ZNF841: variants seen among roughly 807,000 people sequenced by gnomAD.
ZNF841 encodes the protein zinc finger protein 841.
A neutral mutation model predicts 13.0 loss-of-function variants in ZNF841; 11 were observed. The ratio of observed to expected loss-of-function variants is 0.85; its 90% CI spans 0.53 to 1.40. The LOEUF is 1.40. Ranked by LOEUF, ZNF841 falls within the 40% of genes most tolerant of loss-of-function variation. The pLI is 0.00. For synonymous variants in ZNF841, 369 were observed against 381.6 expected (o/e 0.97, Z 0.38); for missense variants, 1,068 against 1,139.5 (o/e 0.94, Z 0.90).
In ZNF841 at chr19:52,065,718, T is replaced by A. The variant is rs369440795; in HGVS notation, c.2164A>T (p.Thr722Ser). Reference protein sequence around the residue: ...SECGRTFSHKTSLVYHQRRHT... With the variant: ...SECGRTFSHKSSLVYHQRRHT... ...CTTCTCTGATGGTACACCAGACTTGTTTTATGACTAAAAGTTCTACCACAT... is the reference window on the plus strand; with the variant it reads ...CTTCTCTGATGGTACACCAGACTTGATTTATGACTAAAAGTTCTACCACAT... Residue 722 changes from threonine (T) to serine (S), a missense_variant, in exon 7 of 7, where the codon ACA (threonine) becomes TCA (serine). By Grantham distance (58) the Thr-to-Ser change is moderately conservative. Transcript: ENST00000594440. 6.2e-7 allele frequency: 1 copy of A among 1,604,792 alleles called. No individual in the cohort carries two copies. Among genetic ancestry groups the A allele is most frequent in the Non-Finnish European group, 8.5e-7 (1 of 1,175,062 alleles).
chr19:52,079,443 A>C (rs932249492), intron 4 of ZNF841, among the ~76,000 whole-genome samples: 33 of 151,408 alleles, frequency 2.2e-4, no homozygotes, highest in Non-Finnish European at 8.8e-5. Context: ...AAAAAAAAAA[A>C]AAAAAAAAAA....
At chr19:52,084,715 G>A (rs2088212057) in intron 4 of ZNF841, 72 bp downstream of exon 4, 2 of 1,553,396 alleles carry the variant, frequency 1.3e-6, no homozygotes, top group East Asian at 2.3e-5. Flanking sequence ...ACTCAGAGAA[G>A]ATTTGCAGCT....
At chr19:52,090,300 C>T (rs2123376950) in intron 2 of ZNF841, among the ~76,000 whole-genome samples, 1 of 152,108 alleles carries the variant, frequency 6.6e-6, no homozygotes, top group Non-Finnish European at 1.5e-5. Context: ...GTGGCTCATG[C>T]CTGTAATCCC....
At position 52,065,216 on chromosome 19, in the gene ZNF841, C is replaced by T. The variant is rs746377431; in HGVS notation, c.2666G>A (p.Arg889His). ...CNECGKSYIS[R>H]SGLTKHQIKH... The stretch of plus-strand genomic sequence containing the variant: ...TATCTGATGTTTAGTGAGGCCTGAG[C>T]GACTAATGTAAGATTTGCCACACTC... The change falls in exon 7 of 7, where the codon CGC becomes CAC. Residue 889 changes from arginine to histidine, a missense_variant. Physicochemically the swap from Arg to His is conservative, Grantham distance 29. Coordinates refer to ENST00000594440, the MANE Select transcript of ZNF841 (RefSeq NM_001136499.2). 1.7e-5 allele frequency: 27 copies of T among 1,612,132 alleles called. No individual in the cohort carries two copies. In the South Asian group the frequency reaches 2.1e-4, roughly 13 times the overall value.
At chr19:52,064,229 C>T (rs1416386306), downstream of ZNF841, among the ~76,000 whole-genome samples, 1 of 151,654 alleles carries the variant, frequency 6.6e-6, no homozygotes, top group African/African-American at 2.4e-5. Flanking sequence ...GCCTGTAGTC[C>T]CAGCTACTCG....
At chr19:52,089,829 C>A (rs1043803066) in intron 2 of ZNF841, among the ~76,000 whole-genome samples, 2 of 152,156 alleles carry the variant, frequency 1.3e-5, no homozygotes, top group Non-Finnish European at 1.5e-5. Context: ...CTTTCTGGAG[C>A]CTTCTATGGA....
chr19:52,061,766 G>A (rs536432433), downstream of ZNF841, among the ~76,000 whole-genome samples: 16 of 151,940 alleles, frequency 1.1e-4, no homozygotes, highest in East Asian at 1.9e-4. Flanking sequence ...GGCTGGTCTC[G>A]AACTCCCGAC....
chr19:52,068,602 G>C (rs1280212426), intron 6 of ZNF841, among the ~76,000 whole-genome samples: 2 of 151,726 alleles, frequency 1.3e-5, no homozygotes, highest in African/African-American at 4.8e-5. Flanking sequence ...TTGGAACCCA[G>C]GAGGCGGAGG....
At chr19:52,088,230 A>G (rs1264042775) in intron 3 of ZNF841, among the ~76,000 whole-genome samples, 4 of 152,008 alleles carry the variant, frequency 2.6e-5, no homozygotes, top group African/African-American at 9.7e-5. Context: ...CAGCTGCCCA[A>G]CCTCCCTGTG....
At chr19:52,090,712 A>G (rs968627638) in intron 2 of ZNF841, among the ~76,000 whole-genome samples, 2 of 148,474 alleles carry the variant, frequency 1.3e-5, no homozygotes, top group Non-Finnish European at 2.9e-5. Flanking sequence ...AGAAAGAGAA[A>G]GAAAGAAAGA....
chr19:52,076,816 C>T, intron 5 of ZNF841, 142 bp downstream of exon 5: 1 of 981,486 alleles, frequency 1.0e-6, no homozygotes. Context: ...AGGCCAGATG[C>T]AGCATTATGA....
At chr19:52,083,803 G>A (rs527449220) in intron 4 of ZNF841, among the ~76,000 whole-genome samples, 4 of 146,956 alleles carry the variant, frequency 2.7e-5, no homozygotes, top group South Asian at 4.3e-4. Flanking sequence ...TAGTATATCC[G>A]TATCTCATAG....
At chr19:52,076,224 CTA>C in intron 5 of ZNF841, 52 bp from the exon 6 acceptor site, 1 of 1,536,316 alleles carries the variant, frequency 6.5e-7, no homozygotes, top group Non-Finnish European at 8.8e-7. Flanking sequence ...AGAACCCAGC[CTA>C]ATGTCTAGGT....
At chr19:52,075,937 A>C (rs895772821) in intron 6 of ZNF841, 107 bp downstream of exon 6, 10 of 1,407,822 alleles carry the variant, frequency 7.1e-6, no homozygotes, top group African/African-American at 1.4e-5. Flanking sequence ...AAACTTCTGG[A>C]GCTCACAGAA....
At chr19:52,062,040 GGA>G (rs1450563387), downstream of ZNF841, among the ~76,000 whole-genome samples, 1 of 152,132 alleles carries the variant, frequency 6.6e-6, no homozygotes, top group Non-Finnish European at 1.5e-5. Flanking sequence ...GGAAGCAGCA[GGA>G]GCCGAATGGC....
At position 52,076,073 on chromosome 19, in the gene ZNF841, C is replaced by T. The variant is rs2087889815; in HGVS notation, c.242G>A (p.Cys81Tyr). ...GATCACGCCTTTCATGCATTCCCCA[C>T]AGTTTGGGTTCCTCGCTATTTTCAC... Reference protein sequence around the residue: ...SQVKIARNPNCGECMKGVITG... With the variant: ...SQVKIARNPNYGECMKGVITG... The change falls in exon 6 of 7, where the codon TGT becomes TAT. Residue 81 changes from cysteine (C) to tyrosine (Y), a missense_variant. Cys to Tyr is a radical substitution (Grantham distance 194). Coordinates refer to ENST00000594440, the MANE Select transcript of ZNF841 (RefSeq NM_001136499.2). The T allele has an allele frequency of 6.4e-7, 1 of 1,553,234 alleles. No homozygotes were observed. The highest frequency in any genetic ancestry group is 1.4e-5 in the African/African-American group (1 of 73,250).
chr19:52,064,353 C>CAAAAAAAAAAAAAAAAAAAAAAAAAAA (rs56135758), downstream of ZNF841: 1 of 35,398 alleles, frequency 2.8e-5, no homozygotes, highest in Non-Finnish European at 6.4e-5. Flanking sequence ...ACTCCGTCTC[C>CAAAAAAAAAAAAAAAAAAAAAAAAAAA]AAAAAAAAAA....
chr19:52,073,002 T>C (rs538667508), intron 6 of ZNF841, among the ~76,000 whole-genome samples: 57 of 152,110 alleles, frequency 3.7e-4, no homozygotes, highest in Non-Finnish European at 7.2e-4. Context: ...ATGCTAACAT[T>C]AAAACAGAAG....
chr19:52,090,704 A>AAAGAAAGG (rs2088463182), intron 2 of ZNF841, among the ~76,000 whole-genome samples: 1 of 151,516 alleles, frequency 6.6e-6, no homozygotes, highest in Admixed American at 6.6e-5. Flanking sequence ...AGAAAGAAAG[A>AAAGAAAGG]AAGAGAAAGA....
Sources: allele counts gnomAD v4.1 joint callset (sites outside exome capture counted in the v4.1 genomes callset), GRCh38; gene constraint gnomAD v4.1.1; transcripts MANE v1.5; gene names NCBI Gene and HGNC (gene_info 2026-07-23, HGNC 2026-07-21).